The following IL12RB2 variants were observed in gnomAD, a reference collection of about 807,000 sequenced individuals.
The protein encoded by IL12RB2 is interleukin-12 receptor subunit beta-2.
In IL12RB2, 82 loss-of-function variants were observed where a neutral mutation model predicts 89.4. That is an observed-to-expected ratio of 0.92 (90% CI 0.77 to 1.10). The LOEUF (loss-of-function observed/expected upper bound fraction) is 1.10, where lower values mean the gene tolerates loss of function less well. Ranked by LOEUF, IL12RB2 falls within the 50% of genes least tolerant of loss-of-function variation. The pLI is 0.00. For missense variants in IL12RB2, 963 were observed against 1,031.9 expected (o/e 0.93, Z 0.92); for synonymous variants, 368 against 370.1 (o/e 0.99, Z 0.07).
chr1:67,366,176 G>A (rs1662642563), intron 10 of IL12RB2, among the ~76,000 whole-genome samples: 1 of 152,226 alleles, frequency 6.6e-6, no homozygotes, highest in African/African-American at 2.4e-5. Context: ...AAATGGCCGG[G>A]TGCAATGGCC....
chr1:67,325,400 T>G (rs1241417405), intron 4 of IL12RB2, among the ~76,000 whole-genome samples: 1 of 152,074 alleles, frequency 6.6e-6, no homozygotes, highest in Non-Finnish European at 1.5e-5. Context: ...GTAGCTGGAA[T>G]TACAGCATGT....
chr1:67,330,429 G>A (rs17838046), intron 7 of IL12RB2, among the ~76,000 whole-genome samples: 5 of 151,890 alleles, frequency 3.3e-5, no homozygotes, highest in African/African-American at 1.2e-4. Context: ...TACATAGATG[G>A]GTTCTTAGTA....
Position 67,372,457 on chromosome 1 carries a change from G to T in IL12RB2, c.1481G>T (p.Cys494Phe). The change falls in exon 12 of 17, where the codon TGT (cysteine) becomes TTT (phenylalanine). Residue 494 changes from cysteine (C) to phenylalanine (F), a missense_variant. By Grantham distance (205) the Cys-to-Phe change is radical. Coordinates refer to ENST00000674203, the MANE Select transcript of IL12RB2 (RefSeq NM_001374259.2). ...LISENIKSYI[C>F]YEIRVYALSG... ...GCAGAGAACATAAAATCCTACATCT[G>T]TTATGAAATCCGTGTGTATGCACTC... is the stretch of plus-strand genomic sequence containing the variant. 6.3e-7 allele frequency: 1 copy of T among 1,584,952 alleles called. No individual in the cohort carries two copies. Among genetic ancestry groups the T allele is most frequent in the Admixed American group, 1.7e-5 (1 of 59,998 alleles).
rs1033152476 is a variant in IL12RB2 at position 67,396,036 on chromosome 1, G to A, written c.2536G>A (p.Asp846Asn). Residue 846 changes from aspartate (D) to asparagine (N), a missense_variant, in exon 17 of 17, where the codon GAT becomes AAT. Physicochemically the swap from Asp to Asn is conservative, Grantham distance 23 (BLOSUM62 1). Transcript: ENST00000674203. ...SLHPLTFSCG[D>N]KLTLDQLKMR... ...TCACCCACTCACCTTCTCCTGTGGT[G>A]ATAAGCTGACTCTGGATCAGTTAAA... 2 of 1,608,378 alleles carry A rather than the reference G, an allele frequency of 1.2e-6. No homozygotes were observed. Among genetic ancestry groups the A allele is most frequent in the Non-Finnish European group, 1.7e-6 (2 of 1,174,660 alleles).
intron 8 of IL12RB2, among the ~76,000 whole-genome samples, chr1:67,337,901 T>TA (rs11449571): frequency 0.25 from 32,791 of 132,050 alleles, 4,408 homozygotes; most frequent in East Asian, 0.39. Context: ...TGCATTCTAG[T>TA]AAAAAAAAAA....
intron 1 of IL12RB2, among the ~76,000 whole-genome samples, chr1:67,309,045 C>CATATATAT (rs146292829): frequency 2.3e-3 from 345 of 149,456 alleles, no homozygotes; most frequent in African/African-American, 7.7e-3. Flanking sequence ...CATACATATA[C>CATATATAT]ATATATATAT....
intron 2 of IL12RB2, among the ~76,000 whole-genome samples, chr1:67,317,164 G>A (rs1356615629): frequency 6.6e-6 from 1 of 152,192 alleles, no homozygotes; most frequent in African/African-American, 2.4e-5. Context: ...ACGGGCAGGA[G>A]TATAAGCAGC....
At chr1:67,352,452 C>T (rs943505162) in intron 10 of IL12RB2, among the ~76,000 whole-genome samples, 1 of 152,172 alleles carries the variant, frequency 6.6e-6, no homozygotes, top group African/African-American at 2.4e-5. Flanking sequence ...CTAGCTATTT[C>T]CTTCTAGACA....
At chr1:67,358,314 G>A (rs750699551) in intron 10 of IL12RB2, among the ~76,000 whole-genome samples, 12 of 152,132 alleles carry the variant, frequency 7.9e-5, no homozygotes, top group Non-Finnish European at 1.3e-4. Flanking sequence ...GGTGGCTCAC[G>A]CCTGTAATCC....
intron 2 of IL12RB2, 139 bp from the exon 3 acceptor site, chr1:67,320,194 G>C (rs1156941361): frequency 1.5e-6 from 2 of 1,343,764 alleles, no homozygotes; most frequent in African/African-American, 2.9e-5. Context: ...AGTTTTAAAG[G>C]TACATGTCAT....
In IL12RB2 at chr1:67,326,772, G is replaced by A. The variant is rs1327713550; in HGVS notation, c.402G>A (p.Gln134=). 6.2e-7 allele frequency: 1 copy of A among 1,613,844 alleles called. No individual in the cohort carries two copies. Among genetic ancestry groups the A allele is most frequent in the South Asian group, 1.1e-5 (1 of 91,070 alleles). The change falls in exon 5 of 17, where the codon CAG becomes CAA. Residue 134 remains glutamine (Q), a synonymous_variant. Transcript: ENST00000674203. ...AGCCTCAAAATTTATCCTGCATACA[G>A]AAGGGAGAACAGGGGACTGTGGCCT... is the stretch of plus-strand genomic sequence containing the variant. ...PEQPQNLSCI[Q]KGEQGTVACT...
chr1:67,360,070 T>C (rs1460705596), intron 10 of IL12RB2, among the ~76,000 whole-genome samples: 2 of 152,014 alleles, frequency 1.3e-5, no homozygotes, highest in East Asian at 1.9e-4. Flanking sequence ...GGATCAGTCA[T>C]AGGAGGTCCT....
intron 9 of IL12RB2, among the ~76,000 whole-genome samples, chr1:67,340,507 C>G (rs1395940972): frequency 3.9e-5 from 6 of 152,182 alleles, no homozygotes; most frequent in Non-Finnish European, 1.5e-5. Flanking sequence ...GGGTTTCTCT[C>G]AGTAGAATGA....
Position 67,312,532 on chromosome 1 carries a change from T to G in IL12RB2, c.-124-1381T>G, listed in dbSNP as rs535664366. Among the ~76,000 whole-genome samples the G allele has an allele frequency of 2.6e-5, 4 of 152,234 alleles. No individual in the cohort carries two copies. The South Asian group carries it at 8.3e-4, about 32-fold the overall frequency. ...TGGGATAAATTCATTTCAACTCTGATTTGTTTACGCACAACATTTCAGGAG... is the reference window on the plus strand; with the variant it reads ...TGGGATAAATTCATTTCAACTCTGAGTTGTTTACGCACAACATTTCAGGAG... On this transcript the variant is annotated intron_variant, in intron 1 of 16. Transcript: ENST00000674203.
At chr1:67,310,208 AAGCC>A (rs1558288233) in intron 1 of IL12RB2, among the ~76,000 whole-genome samples, 1 of 151,090 alleles carries the variant, frequency 6.6e-6, no homozygotes, top group East Asian at 1.9e-4. Flanking sequence ...AAAAAAAAAA[AAGCC>A]AAATCCCAAA....
chr1:67,349,868 C>A (rs182058304), intron 9 of IL12RB2, among the ~76,000 whole-genome samples: 4 of 152,316 alleles, frequency 2.6e-5, no homozygotes, highest in Non-Finnish European at 5.9e-5. Context: ...AATTTATTCA[C>A]TTAAAGTGAA....
rs1666376598 is a variant in IL12RB2, at chr1:67,396,460, T to C, written c.*371T>C. 2.7e-6 allele frequency: 1 copy of C among 367,660 alleles called. No homozygotes were observed. The highest frequency in any genetic ancestry group is 3.8e-5 in the Admixed American group (1 of 26,230). 22.8% of individuals were successfully genotyped at this position (367,660 alleles called of 1,614,324 possible). A position where few individuals can be genotyped will look rare whatever the true frequency, so the allele number is the denominator to read the frequency against. ...AGAGGACCATTCATGCAATGACTAT[T>C]TCTAAAGCACCTGCTACACAGCAGG... On this transcript the variant is annotated 3_prime_UTR_variant, in exon 17 of 17. Coordinates refer to ENST00000674203, the MANE Select transcript of IL12RB2 (RefSeq NM_001374259.2).
chr1:67,391,422 A>G (rs1362779512), intron 16 of IL12RB2, among the ~76,000 whole-genome samples: 4 of 147,740 alleles, frequency 2.7e-5, no homozygotes, highest in African/African-American at 7.4e-5. Flanking sequence ...TGTTTTATAT[A>G]TATGTATACA....
intron 8 of IL12RB2, among the ~76,000 whole-genome samples, chr1:67,336,599 A>G (rs1195422073): frequency 6.6e-6 from 1 of 152,226 alleles, no homozygotes; most frequent in African/African-American, 2.4e-5. Flanking sequence ...AAAGAAGTGA[A>G]TGTTTAGAAA....
Sources: gnomAD v4.1 joint callset for allele counts (sites outside exome capture counted in the v4.1 genomes callset) on GRCh38, gnomAD v4.1.1 for gene constraint, MANE v1.5 for transcripts, NCBI Gene and HGNC (gene_info 2026-07-23, HGNC 2026-07-21) for gene names.